GABRG3: variants seen among roughly 807,000 people sequenced by gnomAD.
GABRG3 encodes the protein gamma-aminobutyric acid receptor subunit gamma-3.
In GABRG3, 25 loss-of-function variants were observed where a neutral mutation model predicts 48.8. That is an observed-to-expected ratio of 0.51 (90% CI 0.37 to 0.72). GABRG3 has a LOEUF of 0.72. GABRG3 is among the 30% of genes least tolerant of loss of function. GABRG3 has a pLI of 0.00. For missense variants in GABRG3, 394 were observed against 577.9 expected, an observed-to-expected ratio of 0.68 and a Z score of 3.26; for synonymous variants, 227 against 217.6, an observed-to-expected ratio of 1.04 and a Z score of -0.38.
chr15:27,320,277 G>T (rs1411149882), intron 3 of GABRG3, among the ~76,000 whole-genome samples: 2 of 152,166 alleles, frequency 1.3e-5, no homozygotes, highest in East Asian at 1.9e-4. Context: ...TTTATTAAGG[G>T]CAGGTGATTA....
chr15:27,430,895 C>A (rs1595749827), intron 5 of GABRG3, among the ~76,000 whole-genome samples: 1 of 151,874 alleles, frequency 6.6e-6, no homozygotes, highest in African/African-American at 2.4e-5. Flanking sequence ...GAGGCTGAGG[C>A]AGGAAGATCA....
chr15:27,031,307 T>C (rs1371697729), intron 3 of GABRG3, among the ~76,000 whole-genome samples: 1 of 152,218 alleles, frequency 6.6e-6, no homozygotes. Flanking sequence ...TTAAATCCTC[T>C]GTGCTCCACC....
At chr15:27,393,107 A>T (rs1887188542) in intron 5 of GABRG3, among the ~76,000 whole-genome samples, 1 of 152,116 alleles carries the variant, frequency 6.6e-6, no homozygotes. Context: ...GCACTTTGGG[A>T]GGCCAAGGCG....
intron 6 of GABRG3, among the ~76,000 whole-genome samples, chr15:27,502,701 T>C (rs1273244449): frequency 6.6e-6 from 1 of 152,222 alleles, no homozygotes; most frequent in African/African-American, 2.4e-5. Flanking sequence ...ACCCCCTCTT[T>C]GGGTTTGATC....
At chr15:27,141,838 T>A (rs1191953202) in intron 3 of GABRG3, among the ~76,000 whole-genome samples, 1 of 152,234 alleles carries the variant, frequency 6.6e-6, no homozygotes, top group African/African-American at 2.4e-5. Flanking sequence ...GGACGTGTTT[T>A]TGATGATGCA....
At chr15:27,128,390 TATCTC>T (rs1390000807) in intron 3 of GABRG3, among the ~76,000 whole-genome samples, 1 of 152,122 alleles carries the variant, frequency 6.6e-6, no homozygotes, top group Non-Finnish European at 1.5e-5. Flanking sequence ...CTTTAAGACT[TATCTC>T]AGGTACCGGA....
chr15:27,283,563 A>G (rs13380352), intron 3 of GABRG3, among the ~76,000 whole-genome samples: 21,336 of 152,200 alleles, frequency 0.14, 3,739 homozygotes, highest in African/African-American at 0.41. Context: ...GAGATGGCAC[A>G]CAGTTGCACT....
intron 2 of GABRG3, among the ~76,000 whole-genome samples, chr15:26,997,382 G>A (rs929941645): frequency 5.9e-5 from 9 of 151,876 alleles, no homozygotes; most frequent in East Asian, 3.9e-4. Context: ...TGTATGAATC[G>A]TACTTACCCA....
At chr15:27,238,948 A>T (rs564786791) in intron 3 of GABRG3, among the ~76,000 whole-genome samples, 3 of 152,332 alleles carry the variant, frequency 2.0e-5, no homozygotes, top group African/African-American at 7.2e-5. Flanking sequence ...AACAGAAACC[A>T]AAATTTGGCA....
chr15:27,330,641 T>C (rs1232469885), intron 5 of GABRG3, among the ~76,000 whole-genome samples: 3 of 152,262 alleles, frequency 2.0e-5, no homozygotes, highest in African/African-American at 7.2e-5. Context: ...AGAATAGTGC[T>C]TGTATAAATT....
chr15:27,030,930 G>A (rs1896073902), intron 3 of GABRG3, among the ~76,000 whole-genome samples: 1 of 152,012 alleles, frequency 6.6e-6, no homozygotes, highest in South Asian at 2.1e-4. Context: ...GACACAAAAG[G>A]CTCAGTGTTA....
rs1891469422 is a variant in GABRG3, at chr15:27,533,101, A to G, written c.*220A>G. 3 of 508,372 alleles carry G rather than the reference A, an allele frequency of 5.9e-6. No homozygotes were observed. The South Asian group carries it at 8.7e-5, about 15-fold the overall frequency. The allele number at this position is 508,372 out of a possible 1,614,324, so 31.5% of individuals were successfully genotyped here. A position where few individuals can be genotyped will look rare whatever the true frequency, so the allele number is the denominator to read the frequency against. On this transcript the variant is annotated 3_prime_UTR_variant, in exon 10 of 10. Coordinates refer to ENST00000615808, the MANE Select transcript of GABRG3 (RefSeq NM_033223.5). ...ACACACACAGCTAATTGAGTTTTAAAGTAATATTCTTGCTAATCCCTACTG... is the reference window on the plus strand; with the variant it reads ...ACACACACAGCTAATTGAGTTTTAAGGTAATATTCTTGCTAATCCCTACTG...
intron 3 of GABRG3, among the ~76,000 whole-genome samples, chr15:27,230,154 T>C (rs1889753080): frequency 6.6e-6 from 1 of 152,234 alleles, no homozygotes; most frequent in South Asian, 2.1e-4. Context: ...TTAGTGTGTG[T>C]GTGGCAATTG....
intron 5 of GABRG3, among the ~76,000 whole-genome samples, chr15:27,441,550 C>G (rs1207636123): frequency 1.3e-5 from 2 of 152,198 alleles, no homozygotes; most frequent in African/African-American, 2.4e-5. Flanking sequence ...TGTCTCTTCT[C>G]CTCTCCTGGC....
chr15:27,498,234 C>G (rs1474628784), intron 6 of GABRG3, among the ~76,000 whole-genome samples: 2 of 152,074 alleles, frequency 1.3e-5, no homozygotes, highest in Non-Finnish European at 2.9e-5. Flanking sequence ...TTCCTTTCTT[C>G]CCTCAGACTG....
At chr15:27,035,888 G>T (rs1397457519) in intron 3 of GABRG3, among the ~76,000 whole-genome samples, 2 of 152,236 alleles carry the variant, frequency 1.3e-5, no homozygotes, top group Non-Finnish European at 2.9e-5. Context: ...GTGAGAAATG[G>T]TGAGTTCTGA....
At chr15:27,306,477 T>A (rs1194167104) in intron 3 of GABRG3, among the ~76,000 whole-genome samples, 1 of 139,880 alleles carries the variant, frequency 7.1e-6, no homozygotes, top group Non-Finnish European at 1.5e-5. Context: ...TGTCTATATA[T>A]AAACATATAT....
chr15:27,111,956 A>C (rs527662386), intron 3 of GABRG3, among the ~76,000 whole-genome samples: 1 of 73,514 alleles, frequency 1.4e-5, no homozygotes, highest in South Asian at 3.5e-4. Context: ...GTTTTACAAC[A>C]GTTACACTCC....
intron 2 of GABRG3, 141 bp from the exon 3 acceptor site, chr15:27,026,613 A>G: frequency 2.1e-6 from 1 of 480,166 alleles, no homozygotes; most frequent in Non-Finnish European, 3.7e-6. Context: ...TAATTACAAG[A>G]GAAGTCCCAA....
Sources: allele counts gnomAD v4.1 joint callset (sites outside exome capture counted in the v4.1 genomes callset), GRCh38; gene constraint gnomAD v4.1.1; transcripts MANE v1.5; gene names NCBI Gene and HGNC (gene_info 2026-07-23, HGNC 2026-07-21).